Variants in NME9 observed in about 807,000 individuals in gnomAD.
The protein encoded by NME9 is thioredoxin domain-containing protein 6.
Under a neutral mutation model 44.4 loss-of-function variants are expected in NME9, and 48 were observed. The ratio of observed to expected loss-of-function variants is 1.08; its 90% CI spans 0.86 to 1.37. The LOEUF is 1.37. Among genes scored for constraint, NME9 ranks in the 40% most tolerant of loss-of-function variants. The pLI is 0.00. For synonymous variants in NME9, 139 were observed against 147.1 expected, an observed-to-expected ratio of 0.94 and a Z score of 0.40; for missense variants, 325 against 405.2, an observed-to-expected ratio of 0.80 and a Z score of 1.70.
At chr3:138,274,265 CAT>C (rs1196408825) in intron 8 of NME9, among the ~76,000 whole-genome samples, 1 of 150,028 alleles carries the variant, frequency 6.7e-6, no homozygotes, top group Non-Finnish European at 1.5e-5. Context: ...GTGTGTATGA[CAT>C]ATTTGAAGGC....
chr3:138,301,042 A>T lies in NME9; in HGVS notation c.*598T>A. On this transcript the variant is annotated 3_prime_UTR_variant, in exon 11 of 11. Transcript: ENST00000333911. ...TTTATTGTTGGGGAAACACCATCTC[A>T]TATAACCCAGTATCCTCTGAGATGA... 1 of 975,260 alleles carries T rather than the reference A, an allele frequency of 1.0e-6. No homozygotes were observed. 60.4% of individuals were successfully genotyped at this position (975,260 alleles called of 1,614,324 possible). A position where few individuals can be genotyped will look rare whatever the true frequency, so the allele number is the denominator to read the frequency against.
At chr3:138,297,886 A>G (rs989972895), downstream of NME9, 4 of 152,268 alleles carry the variant, frequency 2.6e-5, no homozygotes, top group Admixed American at 1.3e-4. Context: ...AAAGAAACCA[A>G]TAATGAATTG....
chr3:138,278,808 G>A (rs914688697), intron 8 of NME9, among the ~76,000 whole-genome samples: 1 of 151,996 alleles, frequency 6.6e-6, no homozygotes, highest in Non-Finnish European at 1.5e-5. Flanking sequence ...TATGTTTGAT[G>A]TTTTTGTAAA....
chr3:138,281,884 A>C (rs74750529), intron 8 of NME9, among the ~76,000 whole-genome samples: 4,209 of 152,254 alleles, frequency 0.028, 86 homozygotes, highest in South Asian at 0.076. Flanking sequence ...CCCCATGAAT[A>C]CCTTGGTTAT....
intron 8 of NME9, chr3:138,290,789 C>A: frequency 1.6e-6 from 1 of 617,836 alleles, no homozygotes; most frequent in Non-Finnish European, 2.9e-6. Flanking sequence ...CACTGTACGA[C>A]ATTTGAGTGA....
chr3:138,272,851 G>A (rs2048923379), intron 8 of NME9: 12 of 945,716 alleles, frequency 1.3e-5, no homozygotes, highest in East Asian at 3.1e-5. Context: ...CAGCCTGGGC[G>A]ACAGAGCAAG....
intron 5 of NME9, among the ~76,000 whole-genome samples, chr3:138,315,232 C>T (rs2052986573): frequency 6.6e-6 from 1 of 152,168 alleles, no homozygotes; most frequent in Non-Finnish European, 1.5e-5. Context: ...ACCCACCACT[C>T]CATTCTGTAA....
At chr3:138,327,158 CAA>C (rs796512612) in intron 1 of NME9, 57 of 64,110 alleles carry the variant, frequency 8.9e-4, no homozygotes, top group Admixed American at 1.5e-3. Flanking sequence ...GAAACTGTCT[CAA>C]AAAAAAAAAA....
downstream of NME9, among the ~76,000 whole-genome samples, chr3:138,299,804 C>T (rs150511170): frequency 1.6e-4 from 24 of 152,330 alleles, no homozygotes; most frequent in African/African-American, 2.9e-4. Context: ...TCATTTTCCC[C>T]TCTCTCCCCT....
chr3:138,308,981 G>C (rs979100738), intron 6 of NME9, among the ~76,000 whole-genome samples: 1 of 134,710 alleles, frequency 7.4e-6, no homozygotes, highest in East Asian at 2.1e-4. Context: ...TGTCATCCAA[G>C]AATACTGTAC....
intron 8 of NME9, among the ~76,000 whole-genome samples, chr3:138,270,318 G>T (rs2108295040): frequency 1.3e-5 from 2 of 152,314 alleles, no homozygotes; most frequent in East Asian, 3.9e-4. Context: ...TTAACTGTAA[G>T]CAAGTTATGC....
chr3:138,282,725 G>T (rs527300878), intron 8 of NME9, among the ~76,000 whole-genome samples: 1 of 151,416 alleles, frequency 6.6e-6, no homozygotes. Flanking sequence ...GGAAAGCAAC[G>T]ATAATTCACT....
chr3:138,311,659 T>C (rs994073310), intron 6 of NME9, among the ~76,000 whole-genome samples: 1 of 152,198 alleles, frequency 6.6e-6, no homozygotes, highest in African/African-American at 2.4e-5. Flanking sequence ...TTCCAATAGA[T>C]GCTGAAAAAC....
At chr3:138,267,257 C>T (rs1560017332) in intron 8 of NME9, 2 of 1,488,392 alleles carry the variant, frequency 1.3e-6, no homozygotes, top group Non-Finnish European at 9.1e-7. Flanking sequence ...TATTGATTTT[C>T]TTTTCCTAGA....
intron 8 of NME9, among the ~76,000 whole-genome samples, chr3:138,268,086 TA>T (rs1451168921): frequency 6.6e-6 from 1 of 151,804 alleles, no homozygotes; most frequent in Non-Finnish European, 1.5e-5. Context: ...CTGCTAAAAG[TA>T]CAAAAATTAG....
chr3:138,301,474 G>C lies in NME9; in HGVS notation c.*166C>G. On this transcript the variant is annotated 3_prime_UTR_variant, in exon 11 of 11. Transcript: ENST00000333911. ...CCTGCCTCGGCCTCCCAAAGTGCTG[G>C]GATTACAGGTGTGAGTCACTGCGCC... is the stretch of plus-strand genomic sequence containing the variant. 1 of 1,367,190 alleles carries C rather than the reference G, an allele frequency of 7.3e-7. No homozygotes were observed. Among genetic ancestry groups the C allele is most frequent in the South Asian group, 1.5e-5 (1 of 65,164 alleles). The allele number at this position is 1,367,190 out of a possible 1,614,324, so 84.7% of individuals were successfully genotyped here. A position where few individuals can be genotyped will look rare whatever the true frequency, so the allele number is the denominator to read the frequency against.
intron 8 of NME9, among the ~76,000 whole-genome samples, chr3:138,282,748 C>T (rs1229808041): frequency 6.6e-6 from 1 of 151,848 alleles, no homozygotes; most frequent in Non-Finnish European, 1.5e-5. Context: ...GTTCTGATGT[C>T]ATCTTGAACT....
At chr3:138,320,824 AG>A (rs2053419639) in intron 2 of NME9, among the ~76,000 whole-genome samples, 1 of 152,090 alleles carries the variant, frequency 6.6e-6, no homozygotes, top group East Asian at 1.9e-4. Flanking sequence ...ATGGTGTGGT[AG>A]GAAGTGGTGG....
chr3:138,327,045 A>G (rs1399249842), intron 1 of NME9: 1 of 148,676 alleles, frequency 6.7e-6, no homozygotes, highest in East Asian at 2.0e-4. Flanking sequence ...TTTACCAGCT[A>G]CTCGGGAGGC....
Sources: gnomAD v4.1 joint callset for allele counts (sites outside exome capture counted in the v4.1 genomes callset) on GRCh38, gnomAD v4.1.1 for gene constraint, MANE v1.5 for transcripts, NCBI Gene and HGNC (gene_info 2026-07-23, HGNC 2026-07-21) for gene names.